Variants in NKAIN3 observed in about 807,000 individuals in gnomAD.
The protein encoded by NKAIN3 is sodium/potassium-transporting ATPase subunit beta-1-interacting protein 3.
A neutral mutation model predicts 30.2 loss-of-function variants in NKAIN3; 25 were observed. The observed-to-expected ratio is 0.83, with a 90% CI of 0.60 to 1.16. NKAIN3 has a LOEUF of 1.16. NKAIN3 is among the 50% of genes most tolerant of loss of function. The pLI, the probability that NKAIN3 is intolerant of heterozygous loss-of-function variation, is 0.00. For synonymous variants in NKAIN3, 91 were observed against 89.6 expected (o/e 1.02, Z -0.09); for missense variants, 225 against 254.1 (o/e 0.89, Z 0.78).
Position 62,953,990 on chromosome 8 carries a change from G to T in NKAIN3, c.603+18G>T. 1 of 912,020 alleles carries T rather than the reference G, an allele frequency of 1.1e-6. No homozygotes were observed. The highest frequency in any genetic ancestry group is 1.3e-6 in the Non-Finnish European group (1 of 762,692). The allele number at this position is 912,020 out of a possible 1,614,324, so 56.5% of individuals were successfully genotyped here. On this transcript the variant is annotated intron_variant, in intron 6 of 6. Transcript: ENST00000623646. ...TTAAACCAGTAAGTAAAGGTGTGAT[G>T]ATATGGAAAATATTAATCCTTCTAA...
Position 62,610,347 on chromosome 8 carries a change from G to GA in NKAIN3, c.273+20568dup, listed in dbSNP as rs33941316. On this transcript the variant is annotated intron_variant, in intron 3 of 6. Transcript: ENST00000623646. ...GCAATAAGAGCAAAACTCCGTCTCAGAAAAAAAAAAAAAAAGTGCTTGGAT... is the reference window on the plus strand; with the variant it reads ...GCAATAAGAGCAAAACTCCGTCTCAGAAAAAAAAAAAAAAAAGTGCTTGGAT... 8.0e-3 allele frequency among the ~76,000 whole-genome samples: 1,087 copies of GA among 135,360 alleles called. 11 individuals carry two copies. The highest frequency in any genetic ancestry group is 0.019 in the African/African-American group (711 of 38,382). The allele number at this position is 135,360 out of a possible 152,430, so 88.8% of individuals were successfully genotyped here. A position where few individuals can be genotyped will look rare whatever the true frequency, so the allele number is the denominator to read the frequency against.
chr8:62,423,126 G>T (rs60536390), intron 1 of NKAIN3, among the ~76,000 whole-genome samples: 6 of 151,796 alleles, frequency 4.0e-5, no homozygotes, highest in Non-Finnish European at 7.4e-5. Context: ...AATCACTTTT[G>T]TTTATATCCA....
At chr8:62,378,423 T>C (rs1417964865) in intron 1 of NKAIN3, among the ~76,000 whole-genome samples, 1 of 152,192 alleles carries the variant, frequency 6.6e-6, no homozygotes, top group African/African-American at 2.4e-5. Context: ...CAAATGCTAA[T>C]ACCAAGACTA....
At chr8:62,894,637 C>T (rs1429130493) in intron 4 of NKAIN3, among the ~76,000 whole-genome samples, 5 of 152,092 alleles carry the variant, frequency 3.3e-5, no homozygotes, top group Non-Finnish European at 5.9e-5. Flanking sequence ...GGATAAACTT[C>T]CAGAAATATT....
intron 1 of NKAIN3, among the ~76,000 whole-genome samples, chr8:62,553,433 G>T (rs1404871762): frequency 6.6e-6 from 1 of 151,982 alleles, no homozygotes; most frequent in Non-Finnish European, 1.5e-5. Flanking sequence ...AATAGAAGCT[G>T]ATCTAGGCCT....
chr8:62,483,681 G>A (rs1179330014), intron 1 of NKAIN3: 1 of 264,260 alleles, frequency 3.8e-6, no homozygotes, highest in Non-Finnish European at 7.5e-6. Context: ...TCCTATGGAG[G>A]TTGTCAGGGA....
intron 1 of NKAIN3, among the ~76,000 whole-genome samples, chr8:62,320,998 A>G (rs1001933788): frequency 6.6e-6 from 1 of 152,148 alleles, no homozygotes; most frequent in Non-Finnish European, 1.5e-5. Flanking sequence ...GTCTTTTTAC[A>G]TAGTCCCATA....
intron 1 of NKAIN3, among the ~76,000 whole-genome samples, chr8:62,319,427 G>A (rs567656401): frequency 6.6e-6 from 1 of 151,952 alleles, no homozygotes; most frequent in African/African-American, 2.4e-5. Flanking sequence ...TGATGTTAGG[G>A]TCTCAATTTT....
intron 1 of NKAIN3, among the ~76,000 whole-genome samples, chr8:62,469,079 AT>A (rs1386486092): frequency 1.3e-5 from 2 of 152,116 alleles, no homozygotes; most frequent in Admixed American, 6.5e-5. Context: ...GTAAGTCTTT[AT>A]TATTTCCTGA....
chr8:62,581,642 G>C (rs1810294557), intron 2 of NKAIN3, among the ~76,000 whole-genome samples: 1 of 152,066 alleles, frequency 6.6e-6, no homozygotes, highest in Non-Finnish European at 1.5e-5. Context: ...TCCTTAGCTG[G>C]ATAAGATCTA....
chr8:62,948,209 T>C (rs1823181001), intron 5 of NKAIN3, among the ~76,000 whole-genome samples: 1 of 151,774 alleles, frequency 6.6e-6, no homozygotes, highest in Non-Finnish European at 1.5e-5. Context: ...TTTTTTTTTC[T>C]TTTTTTGAGA....
intron 1 of NKAIN3, among the ~76,000 whole-genome samples, chr8:62,412,928 A>C (rs990066679): frequency 7.9e-5 from 12 of 151,070 alleles, no homozygotes; most frequent in African/African-American, 2.9e-4. Flanking sequence ...AAAACAAAAA[A>C]AAAAAAACAG....
chr8:62,734,313 A>G (rs1815579453), intron 3 of NKAIN3, among the ~76,000 whole-genome samples: 1 of 152,200 alleles, frequency 6.6e-6, no homozygotes, highest in Admixed American at 6.5e-5. Context: ...CTTTTTATGT[A>G]ATAATTCTAA....
chr8:62,498,241 T>C (rs759943183), intron 1 of NKAIN3, among the ~76,000 whole-genome samples: 4 of 152,112 alleles, frequency 2.6e-5, no homozygotes, highest in Non-Finnish European at 5.9e-5. Context: ...CAGGGAAGAA[T>C]TGGTCTGAAG....
At chr8:62,849,090 C>T (rs573391628) in intron 4 of NKAIN3, among the ~76,000 whole-genome samples, 3 of 152,130 alleles carry the variant, frequency 2.0e-5, no homozygotes, top group Non-Finnish European at 2.9e-5. Flanking sequence ...ATTTTTGCAT[C>T]GATGTTCATC....
At chr8:62,307,757 ATAT>A (rs1168010736) in intron 1 of NKAIN3, among the ~76,000 whole-genome samples, 2 of 150,904 alleles carry the variant, frequency 1.3e-5, no homozygotes, top group Non-Finnish European at 2.9e-5. Context: ...AACATGAGAA[ATAT>A]TATGTGAACT....
At chr8:62,829,971 A>G (rs1738832997) in intron 4 of NKAIN3, among the ~76,000 whole-genome samples, 1 of 152,214 alleles carries the variant, frequency 6.6e-6, no homozygotes, top group African/African-American at 2.4e-5. Flanking sequence ...TAACTTTGAA[A>G]TAAAGTGGGA....
In NKAIN3 at chr8:62,968,577, T is replaced by G. The variant is rs1288699674; in HGVS notation, c.*3170T>G. On this transcript the variant is annotated 3_prime_UTR_variant, in exon 7 of 7. Coordinates refer to ENST00000623646, the MANE Select transcript of NKAIN3 (RefSeq NM_001304533.3). Reference sequence around the variant, plus strand: ...GGTGCAGCTCTAGATTCAATAGCTCTCCTCAGAAGTGGCCCTGGCAAAACT... The same window carrying G: ...GGTGCAGCTCTAGATTCAATAGCTCGCCTCAGAAGTGGCCCTGGCAAAACT... Among the ~76,000 whole-genome samples, 1 of 152,162 alleles carries G rather than the reference T, an allele frequency of 6.6e-6. No homozygotes were observed. Among genetic ancestry groups the G allele is most frequent in the Non-Finnish European group, 1.5e-5 (1 of 68,028 alleles).
At chr8:62,396,452 TA>T (rs1817768264) in intron 1 of NKAIN3, among the ~76,000 whole-genome samples, 1 of 152,222 alleles carries the variant, frequency 6.6e-6, no homozygotes, top group Admixed American at 6.5e-5. Context: ...TACTGGAATG[TA>T]AATTAATTTA....
Sources: allele counts gnomAD v4.1 joint callset (sites outside exome capture counted in the v4.1 genomes callset), GRCh38; gene constraint gnomAD v4.1.1; transcripts MANE v1.5; gene names NCBI Gene and HGNC (gene_info 2026-07-23, HGNC 2026-07-21).